CACNA1D: variants seen among roughly 807,000 people sequenced by gnomAD.
CACNA1D encodes voltage-dependent L-type calcium channel subunit alpha-1D.
CACNA1D carries 55 observed loss-of-function variants against 257.1 expected under a neutral mutation model. That is an observed-to-expected ratio of 0.21 (90% CI 0.17 to 0.27). CACNA1D has a LOEUF of 0.27. Among genes scored for constraint, CACNA1D ranks in the 10% least tolerant of loss-of-function variants. The pLI, the probability that CACNA1D is intolerant of heterozygous loss-of-function variation, is 1.00. For missense variants in CACNA1D, 1,876 were observed against 2,784.0 expected (o/e 0.67, Z 7.34); for synonymous variants, 980 against 1,014.9 (o/e 0.97, Z 0.65).
At chr3:53,576,895 G>A (rs2093047854) in intron 3 of CACNA1D, among the ~76,000 whole-genome samples, 1 of 152,100 alleles carries the variant, frequency 6.6e-6, no homozygotes, top group South Asian at 2.1e-4. Flanking sequence ...TTGATTTTTG[G>A]CTCTTTGTAA....
chr3:53,709,483 A>G (rs1019479994), intron 9 of CACNA1D, among the ~76,000 whole-genome samples: 9 of 152,196 alleles, frequency 5.9e-5, no homozygotes, highest in African/African-American at 2.2e-4. Context: ...AGGATACAAG[A>G]AAAGGGTCTG....
intron 26 of CACNA1D, chr3:53,748,932 G>A (rs1238923181): frequency 2.4e-6 from 1 of 422,518 alleles, no homozygotes; most frequent in Non-Finnish European, 4.5e-6. Flanking sequence ...TGTCTTGCCA[G>A]TGTGCATAGT....
intron 3 of CACNA1D, among the ~76,000 whole-genome samples, chr3:53,610,675 T>G (rs1271817710): frequency 6.6e-6 from 1 of 152,242 alleles, no homozygotes; most frequent in Non-Finnish European, 1.5e-5. Flanking sequence ...ACTTATTTTC[T>G]ATTTTTTCCA....
chr3:53,804,559 G>A (rs1297878494), intron 44 of CACNA1D, among the ~76,000 whole-genome samples: 2 of 152,152 alleles, frequency 1.3e-5, no homozygotes, highest in Non-Finnish European at 2.9e-5. Context: ...GCCCTTTCCA[G>A]CTCGCATTTG....
At chr3:53,599,657 G>A (rs1453580290) in intron 3 of CACNA1D, among the ~76,000 whole-genome samples, 1 of 152,138 alleles carries the variant, frequency 6.6e-6, no homozygotes, top group Non-Finnish European at 1.5e-5. Context: ...CTCACTGTGA[G>A]CATTAATTGA....
intron 9 of CACNA1D, among the ~76,000 whole-genome samples, chr3:53,715,347 A>G (rs751352632): frequency 1.4e-4 from 21 of 152,258 alleles, no homozygotes; most frequent in Non-Finnish European, 2.5e-4. Flanking sequence ...AGAAGTTGCT[A>G]TGCCTACAGT....
At chr3:53,538,597 C>T (rs954251262) in intron 3 of CACNA1D, among the ~76,000 whole-genome samples, 14 of 152,054 alleles carry the variant, frequency 9.2e-5, no homozygotes, top group African/African-American at 3.4e-4. Flanking sequence ...TCAGATCATC[C>T]CCCTTGTGGT....
chr3:53,591,430 T>G (rs992069452), intron 3 of CACNA1D, among the ~76,000 whole-genome samples: 6 of 152,074 alleles, frequency 3.9e-5, no homozygotes, highest in Non-Finnish European at 8.8e-5. Flanking sequence ...TTTTTTGAAT[T>G]TTTAGTAGAG....
At chr3:53,797,593 T>C (rs2095513597) in intron 40 of CACNA1D, among the ~76,000 whole-genome samples, 1 of 152,266 alleles carries the variant, frequency 6.6e-6, no homozygotes, top group South Asian at 2.1e-4. Context: ...ACAAATTCTC[T>C]GTCCCATGTC....
intron 15 of CACNA1D, among the ~76,000 whole-genome samples, chr3:53,727,776 A>G (rs1227029975): frequency 1.3e-5 from 2 of 151,918 alleles, no homozygotes; most frequent in Non-Finnish European, 2.9e-5. Context: ...TCACCCTTCC[A>G]TTTTAAAAGG....
intron 26 of CACNA1D, chr3:53,748,958 T>C (rs1223507490): frequency 1.1e-5 from 5 of 467,516 alleles, no homozygotes; most frequent in Non-Finnish European, 2.0e-5. Flanking sequence ...CTTCCTCCAG[T>C]GTCTTACACG....
intron 30 of CACNA1D, chr3:53,762,413 A>G: frequency 2.3e-6 from 1 of 426,614 alleles, no homozygotes; most frequent in Non-Finnish European, 4.5e-6. Flanking sequence ...TATCTATAAC[A>G]TGTTTATTTT....
At chr3:53,661,382 T>C (rs555579403) in intron 5 of CACNA1D, among the ~76,000 whole-genome samples, 3 of 152,368 alleles carry the variant, frequency 2.0e-5, no homozygotes, top group East Asian at 3.9e-4. Context: ...AGTGGTGTTT[T>C]ATGTGTACTT....
At chr3:53,741,623 A>G (rs1477171228) in intron 21 of CACNA1D, among the ~76,000 whole-genome samples, 2 of 152,160 alleles carry the variant, frequency 1.3e-5, no homozygotes, top group Non-Finnish European at 2.9e-5. Flanking sequence ...AGAGGTGTGC[A>G]GTGGGATGGT....
Position 53,673,129 on chromosome 3 carries a change from A to G in CACNA1D, c.1220+3A>G. ...CTTGTACTTGGTGTATTGAGCGGGTAAGCTACACCTCTTTCATCTTGAAAG... is the reference window on the plus strand; with the variant it reads ...CTTGTACTTGGTGTATTGAGCGGGTGAGCTACACCTCTTTCATCTTGAAAG... On this transcript the variant is annotated splice_donor_region_variant and intron_variant, in intron 8 of 47. Coordinates refer to ENST00000350061, the MANE Select transcript of CACNA1D (RefSeq NM_001128840.3). The surrounding 1 kb of genome is among the most constrained non-coding windows in gnomAD (Gnocchi z 4.1). The G allele has an allele frequency of 6.5e-7, 1 of 1,532,782 alleles. No individual in the cohort carries two copies. 94.9% of individuals were successfully genotyped at this position (1,532,782 alleles called of 1,614,324 possible).
At chr3:53,587,226 A>G (rs544394660) in intron 3 of CACNA1D, among the ~76,000 whole-genome samples, 3 of 152,318 alleles carry the variant, frequency 2.0e-5, no homozygotes, top group African/African-American at 7.2e-5. Flanking sequence ...GGCAGCTGTT[A>G]GAGTTATTCA....
chr3:53,650,745 C>CT (rs2094081835), intron 3 of CACNA1D, 34 bp from the exon 4 acceptor site: 2 of 1,611,868 alleles, frequency 1.2e-6, no homozygotes, highest in African/African-American at 1.3e-5. Flanking sequence ...CCTGCCCCTG[C>CT]TTTTTTGGTA....
chr3:53,780,298 C>T (rs567813609), intron 38 of CACNA1D, among the ~76,000 whole-genome samples, 170 bp downstream of exon 38: 1 of 152,364 alleles, frequency 6.6e-6, no homozygotes, highest in South Asian at 2.1e-4. Flanking sequence ...CCCCTGCCTC[C>T]TGTTTCCTCA....
chr3:53,784,466 C>T (rs1024624407), intron 39 of CACNA1D, among the ~76,000 whole-genome samples: 3 of 152,180 alleles, frequency 2.0e-5, no homozygotes, highest in African/African-American at 7.2e-5. Context: ...CTTCCTTGGG[C>T]CCAGTCTCCT....
Sources: allele counts gnomAD v4.1 joint callset (sites outside exome capture counted in the v4.1 genomes callset), GRCh38; gene constraint gnomAD v4.1.1; non-coding constraint Gnocchi (gnomAD v3.1); transcripts MANE v1.5; gene names NCBI Gene and HGNC (gene_info 2026-07-23, HGNC 2026-07-21).